NTM: variants seen among roughly 807,000 people sequenced by gnomAD.
The protein encoded by NTM is IgLON family member 2.
A neutral mutation model predicts 42.1 loss-of-function variants in NTM; 13 were observed. The ratio of observed to expected loss-of-function variants is 0.31; its 90% CI spans 0.20 to 0.49. The LOEUF is 0.49. Among genes scored for constraint, NTM ranks in the 20% least tolerant of loss-of-function variants. NTM has a pLI of 0.99. For missense variants in NTM, 373 were observed against 452.8 expected, an observed-to-expected ratio of 0.82 and a Z score of 1.60; for synonymous variants, 187 against 179.2, an observed-to-expected ratio of 1.04 and a Z score of -0.35.
At chr11:132,148,568 GA>G (rs2071113053) in intron 3 of NTM, among the ~76,000 whole-genome samples, 1 of 152,174 alleles carries the variant, frequency 6.6e-6, no homozygotes, top group South Asian at 2.1e-4. Context: ...CATGGAACTG[GA>G]AAGTGGAAGG....
chr11:132,148,035 A>G (rs964079015), intron 3 of NTM, among the ~76,000 whole-genome samples: 1 of 152,180 alleles, frequency 6.6e-6, no homozygotes, highest in Non-Finnish European at 1.5e-5. Flanking sequence ...AACGTATGCC[A>G]GGGGACATGG....
intron 1 of NTM, among the ~76,000 whole-genome samples, chr11:131,474,188 A>G (rs1347605561): frequency 6.6e-6 from 1 of 152,168 alleles, no homozygotes; most frequent in African/African-American, 2.4e-5. Context: ...CGCTTTCAGC[A>G]TGCTCTGATC....
At chr11:132,198,162 G>A (rs1264243467) in intron 3 of NTM, among the ~76,000 whole-genome samples, 1 of 152,156 alleles carries the variant, frequency 6.6e-6, no homozygotes, top group Non-Finnish European at 1.5e-5. Flanking sequence ...ACAGGACACT[G>A]AGAAATTAAA....
chr11:132,241,994 A>C (rs1487518525), intron 4 of NTM, among the ~76,000 whole-genome samples: 2 of 152,210 alleles, frequency 1.3e-5, no homozygotes, highest in Non-Finnish European at 2.9e-5. Flanking sequence ...AACCTATATT[A>C]TGCTATCAGA....
chr11:132,294,833 G>C (rs988618354), intron 4 of NTM, among the ~76,000 whole-genome samples: 1 of 152,144 alleles, frequency 6.6e-6, no homozygotes, highest in Admixed American at 6.5e-5. Flanking sequence ...GAATGGCCAG[G>C]CTGATTCCAC....
intron 1 of NTM, among the ~76,000 whole-genome samples, chr11:131,754,217 A>T (rs12788112): frequency 6.7e-6 from 1 of 149,904 alleles, no homozygotes; most frequent in African/African-American, 2.5e-5. Context: ...CACCAACATG[A>T]CACATGTATA....
At chr11:132,107,881 C>G (rs1332781528) in intron 2 of NTM, among the ~76,000 whole-genome samples, 2 of 152,116 alleles carry the variant, frequency 1.3e-5, no homozygotes, top group Non-Finnish European at 2.9e-5. Flanking sequence ...GTCTTCTGTA[C>G]CCTGTCTGCA....
intron 4 of NTM, among the ~76,000 whole-genome samples, chr11:132,260,082 G>T (rs2092753381): frequency 6.6e-6 from 1 of 152,140 alleles, no homozygotes; most frequent in African/African-American, 2.4e-5. Context: ...TTGTGAATGG[G>T]AAACAAGGGA....
chr11:131,403,078 A>C (rs1286058079), intron 1 of NTM, among the ~76,000 whole-genome samples: 1 of 152,248 alleles, frequency 6.6e-6, no homozygotes, highest in African/African-American at 2.4e-5. Context: ...ATCTGCTTAC[A>C]ACTTTTTCCA....
intron 2 of NTM, among the ~76,000 whole-genome samples, chr11:132,116,836 G>C (rs1591617703): frequency 6.6e-6 from 1 of 152,158 alleles, no homozygotes; most frequent in East Asian, 1.9e-4. Flanking sequence ...CTCATTTGCA[G>C]ACTTGAAAAC....
At chr11:132,039,812 T>C (rs2076958439) in intron 2 of NTM, among the ~76,000 whole-genome samples, 1 of 148,000 alleles carries the variant, frequency 6.8e-6, no homozygotes, top group African/African-American at 2.4e-5. Context: ...ACTTTCTCTC[T>C]CTGCGGCGCA....
intron 1 of NTM, among the ~76,000 whole-genome samples, chr11:131,813,300 T>C (rs1264506063): frequency 3.9e-5 from 6 of 152,202 alleles, no homozygotes; most frequent in Non-Finnish European, 8.8e-5. Context: ...TCAATCATTC[T>C]TTCGCACCTT....
chr11:131,796,183 C>A, intron 1 of NTM: 2 of 984,954 alleles, frequency 2.0e-6, no homozygotes, highest in Non-Finnish European at 2.4e-6. Flanking sequence ...GCTGGGGAAA[C>A]AAAGGAAAAG....
At chr11:131,465,901 A>C (rs1474000586) in intron 1 of NTM, among the ~76,000 whole-genome samples, 1 of 151,470 alleles carries the variant, frequency 6.6e-6, no homozygotes, top group African/African-American at 2.5e-5. Context: ...AAGCCACAGC[A>C]GGGTAACCTG....
intron 3 of NTM, among the ~76,000 whole-genome samples, chr11:132,172,176 A>C (rs763640189): frequency 5.3e-5 from 8 of 152,244 alleles, no homozygotes; most frequent in Non-Finnish European, 1.2e-4. Flanking sequence ...GTTGAGATGA[A>C]CATAGAGATC....
At chr11:131,911,697 G>A (rs762009588) in intron 2 of NTM, 49 bp downstream of exon 2, 2 of 1,611,788 alleles carry the variant, frequency 1.2e-6, no homozygotes, top group South Asian at 1.1e-5. Flanking sequence ...ATGGGGTCGG[G>A]GTAAGGGGCA....
At chr11:132,220,531 T>G (rs1455086465) in intron 4 of NTM, among the ~76,000 whole-genome samples, 1 of 152,152 alleles carries the variant, frequency 6.6e-6, no homozygotes, top group Non-Finnish European at 1.5e-5. Context: ...AATTAATGAG[T>G]TCAATGTGCT....
At chr11:131,550,130 C>G (rs1355975245) in intron 1 of NTM, among the ~76,000 whole-genome samples, 4 of 152,202 alleles carry the variant, frequency 2.6e-5, no homozygotes, top group Admixed American at 6.5e-5. Flanking sequence ...ACAAGAAGAA[C>G]AATAGATAAC....
chr11:131,795,012 G>A lies in NTM; in HGVS notation c.83-116552G>A, dbSNP rs139624547. On this transcript the variant is annotated intron_variant, in intron 1 of 8. Transcript: ENST00000683400. ...GGGCAGGCTACAGAAGTACTCAGCC[G>A]TGCTCCTTCCTGGACCCTGTAGCCA... 443 of 985,016 alleles carry A rather than the reference G, an allele frequency of 4.5e-4. 4 individuals are homozygous for A. In the African/African-American group the frequency reaches 6.5e-3, roughly 15 times the overall value. The allele number at this position is 985,016 out of a possible 1,614,324, so 61.0% of individuals were successfully genotyped here. A position where few individuals can be genotyped will look rare whatever the true frequency, so the allele number is the denominator to read the frequency against.
Sources: allele counts gnomAD v4.1 joint callset (sites outside exome capture counted in the v4.1 genomes callset), GRCh38; gene constraint gnomAD v4.1.1; transcripts MANE v1.5; gene names NCBI Gene and HGNC (gene_info 2026-07-23, HGNC 2026-07-21).